The following BTBD7 variants were observed in gnomAD, a reference collection of about 807,000 sequenced individuals.
BTBD7 encodes the protein BTB domain containing 7, also known as BTB/POZ domain-containing protein 7.
Under a neutral mutation model 99.9 loss-of-function variants are expected in BTBD7, and 38 were observed. That is an observed-to-expected ratio of 0.38 (90% confidence interval 0.29 to 0.50). BTBD7 has a LOEUF of 0.50. Ranked by LOEUF, BTBD7 falls within the 20% of genes least tolerant of loss-of-function variation. The pLI, the probability that BTBD7 is intolerant of heterozygous loss-of-function variation, is 0.93. For missense variants in BTBD7, 1,170 were observed against 1,394.6 expected, an observed-to-expected ratio of 0.84 and a Z score of 2.57; for synonymous variants, 520 against 511.4, an observed-to-expected ratio of 1.02 and a Z score of -0.23.
At chr14:93,300,352 G>A (rs1347715503) in intron 1 of BTBD7, among the ~76,000 whole-genome samples, 1 of 150,780 alleles carries the variant, frequency 6.6e-6, no homozygotes, top group Non-Finnish European at 1.5e-5. Flanking sequence ...CTGCCTCCTG[G>A]GTTCAAGTGA....
chr14:93,302,670 C>A (rs951036965), intron 1 of BTBD7, among the ~76,000 whole-genome samples: 1 of 152,104 alleles, frequency 6.6e-6, no homozygotes, highest in Non-Finnish European at 1.5e-5. Context: ...CATGGTGAAA[C>A]CCTGTCTCTA....
Position 93,248,631 on chromosome 14 carries a change from C to T in BTBD7, c.1966G>A (p.Asp656Asn). The stretch of plus-strand genomic sequence containing the variant: ...AGTTCCTGCAGTCGTCTGACCATGT[C>T]TTTCATAATGAGGAGACGAGGAACT... Reference protein sequence around the residue: ...IPVPRLLIMKDMVRRLQELRH... With the variant: ...IPVPRLLIMKNMVRRLQELRH... Residue 656 changes from aspartate to asparagine, a missense_variant, in exon 9 of 11, where the codon GAC becomes AAC. By Grantham distance (23) the Asp-to-Asn change is conservative. Coordinates refer to ENST00000334746, the MANE Select transcript of BTBD7 (RefSeq NM_001002860.4). 1 of 1,611,730 alleles carries T rather than the reference C, an allele frequency of 6.2e-7. No individual in the cohort carries two copies. The highest frequency in any genetic ancestry group is 8.5e-7 in the Non-Finnish European group (1 of 1,179,406).
At chr14:93,263,729 T>A (rs778816183) in intron 4 of BTBD7, 56 bp downstream of exon 4, 8 of 1,496,460 alleles carry the variant, frequency 5.3e-6, no homozygotes, top group Non-Finnish European at 7.4e-6. Context: ...AGAGCATAGA[T>A]GGGTTTCTTG....
intron 1 of BTBD7, among the ~76,000 whole-genome samples, chr14:93,330,901 T>G (rs781378569): frequency 3.9e-5 from 6 of 151,970 alleles, no homozygotes; most frequent in Non-Finnish European, 7.4e-5. Context: ...AAAATCAGAG[T>G]CTGATAGAAA....
chr14:93,243,551 C>A (rs1430584357), intron 10 of BTBD7, among the ~76,000 whole-genome samples: 1 of 152,164 alleles, frequency 6.6e-6, no homozygotes, highest in Non-Finnish European at 1.5e-5. Flanking sequence ...TCACTCCAAC[C>A]TTTTGAACAG....
At position 93,328,608 on chromosome 14, in the gene BTBD7, CT is replaced by C. The variant is rs1259320311; in HGVS notation, c.-107+4211del. Among the ~76,000 whole-genome samples the C allele has an allele frequency of 1.2e-3, 104 of 85,962 alleles. No individual in the cohort carries two copies. The Middle Eastern group carries it at 0.026, about 21-fold the overall frequency. The allele number at this position is 85,962 out of a possible 152,430, so 56.4% of individuals were successfully genotyped here. On this transcript the variant is annotated intron_variant, in intron 1 of 10. Transcript: ENST00000334746. Reference sequence around the variant, plus strand: ...AATTAAGAGCCAGAACTATAAAATTCTTTAAAAAAAAAAAAAAAAAAAAAAA... The same window carrying C: ...AATTAAGAGCCAGAACTATAAAATTCTTAAAAAAAAAAAAAAAAAAAAAAA...
chr14:93,295,871 T>A, intron 2 of BTBD7, 99 bp downstream of exon 2: 1 of 1,059,844 alleles, frequency 9.4e-7, no homozygotes, highest in Non-Finnish European at 1.4e-6. Flanking sequence ...ATTATTATAA[T>A]AACTACAGCT....
chr14:93,278,658 A>G (rs536361565), intron 3 of BTBD7, among the ~76,000 whole-genome samples: 1 of 152,328 alleles, frequency 6.6e-6, no homozygotes, highest in East Asian at 1.9e-4. Context: ...ACATCTAAAC[A>G]TTAAAAAAGT....
intron 3 of BTBD7, among the ~76,000 whole-genome samples, chr14:93,291,423 T>G (rs2139762214): frequency 6.6e-6 from 1 of 152,332 alleles, no homozygotes; most frequent in East Asian, 1.9e-4. Context: ...TGTCTGGTTT[T>G]AGAACCTGAA....
chr14:93,242,483 G>A lies in BTBD7; in HGVS notation c.3189C>T (p.Asp1063=). Residue 1063 remains aspartate (D), a synonymous_variant, in exon 11 of 11, where the codon GAC becomes GAT. Coordinates refer to ENST00000334746, the MANE Select transcript of BTBD7 (RefSeq NM_001002860.4). ...TGTTAGGAGTCAGCCCAAAAGTCAA[G>A]TCAGTTTCTACTGCAGTTCGTCCCC... is the stretch of plus-strand genomic sequence containing the variant. ...HVRGRTAVET[D]LTFGLTPNRP... 6.2e-7 allele frequency: 1 copy of A among 1,614,244 alleles called. No homozygotes were observed.
chr14:93,326,264 C>T (rs575812803), intron 1 of BTBD7, among the ~76,000 whole-genome samples: 25 of 152,076 alleles, frequency 1.6e-4, no homozygotes, highest in African/African-American at 5.5e-4. Context: ...TCTTGGAGTT[C>T]GAGACCAGCC....
intron 5 of BTBD7, 94 bp from the exon 6 acceptor site, chr14:93,257,449 C>CCTG: frequency 8.6e-7 from 1 of 1,158,260 alleles, no homozygotes; most frequent in Non-Finnish European, 1.2e-6. Flanking sequence ...CAGTACCACT[C>CCTG]TATAGACTTA....
intron 3 of BTBD7, among the ~76,000 whole-genome samples, chr14:93,286,574 G>C (rs1250314702): frequency 6.6e-6 from 1 of 152,146 alleles, no homozygotes; most frequent in Non-Finnish European, 1.5e-5. Context: ...ATAGTTTTCT[G>C]TTTTGTTCCT....
intron 7 of BTBD7, 147 bp from the exon 8 acceptor site, chr14:93,251,799 C>A (rs1595287757): frequency 4.2e-6 from 3 of 707,148 alleles, no homozygotes; most frequent in Non-Finnish European, 6.0e-6. Context: ...AAAGAAAGTT[C>A]CCCTACATCT....
intron 1 of BTBD7, among the ~76,000 whole-genome samples, chr14:93,324,596 A>G (rs2053307340): frequency 6.6e-6 from 1 of 152,168 alleles, no homozygotes; most frequent in African/African-American, 2.4e-5. Context: ...CTGATCTGCC[A>G]TCTTCAGGAA....
chr14:93,303,059 C>T (rs921834866), intron 1 of BTBD7, among the ~76,000 whole-genome samples: 2 of 152,020 alleles, frequency 1.3e-5, no homozygotes, highest in Admixed American at 6.6e-5. Context: ...GGTCTTTGTT[C>T]GGAACACAAT....
chr14:93,300,781 TATA>T (rs148687129), intron 1 of BTBD7, among the ~76,000 whole-genome samples: 19,236 of 100,266 alleles, frequency 0.19, 3,186 homozygotes, highest in Middle Eastern at 0.24. Flanking sequence ...TGTATATATA[TATA>T]TATTTTTTTT....
intron 3 of BTBD7, among the ~76,000 whole-genome samples, chr14:93,271,858 T>C (rs59713276): frequency 0.17 from 25,432 of 151,080 alleles, 2,352 homozygotes; most frequent in East Asian, 0.31. Flanking sequence ...ATACAAAAAT[T>C]AGGTGGGTAT....
chr14:93,278,785 T>C (rs1012602546), intron 3 of BTBD7, among the ~76,000 whole-genome samples: 1 of 152,196 alleles, frequency 6.6e-6, no homozygotes, highest in Non-Finnish European at 1.5e-5. Context: ...AGCCTATCTT[T>C]CAAGTTTCTG....
Sources: allele counts gnomAD v4.1 joint callset (sites outside exome capture counted in the v4.1 genomes callset), GRCh38; gene constraint gnomAD v4.1.1; transcripts MANE v1.5; gene names NCBI Gene and HGNC (gene_info 2026-07-23, HGNC 2026-07-21).